SEC14L1: variants seen among roughly 807,000 people sequenced by gnomAD.
SEC14L1 encodes the protein SEC14-like protein 1.
In SEC14L1, 48 loss-of-function variants were observed where a neutral mutation model predicts 85.3. The observed-to-expected ratio is 0.56, with a 90% confidence interval of 0.45 to 0.72. The LOEUF (loss-of-function observed/expected upper bound fraction) is 0.72, where lower values mean the gene tolerates loss of function less well. Among genes scored for constraint, SEC14L1 ranks in the 30% least tolerant of loss-of-function variants. The pLI, the probability that SEC14L1 is intolerant of heterozygous loss-of-function variation, is 0.00. For synonymous variants in SEC14L1, 391 were observed against 355.5 expected (o/e 1.10, Z -1.12); for missense variants, 682 against 921.4 (o/e 0.74, Z 3.36).
At chr17:77,122,325 C>G (rs1273214752) in intron 3 of SEC14L1, among the ~76,000 whole-genome samples, 1 of 147,222 alleles carries the variant, frequency 6.8e-6, no homozygotes, top group Non-Finnish European at 1.5e-5. Context: ...TTTTTTGAGA[C>G]AGCGTCTCAC....
At chr17:77,210,978 G>A (rs1312998566) in intron 14 of SEC14L1, 1 of 152,320 alleles carries the variant, frequency 6.6e-6, no homozygotes, top group African/African-American at 2.4e-5. Context: ...TCAGCACAGG[G>A]GGCCGAGGCC....
At chr17:77,134,506 C>T (rs1972728075) in intron 3 of SEC14L1, among the ~76,000 whole-genome samples, 1 of 152,122 alleles carries the variant, frequency 6.6e-6, no homozygotes, top group South Asian at 2.1e-4. Flanking sequence ...CACTTGAGGT[C>T]AGGAGTTCTA....
At chr17:77,114,152 CTTTG>C (rs148893918) in intron 3 of SEC14L1, among the ~76,000 whole-genome samples, 2,552 of 152,272 alleles carry the variant, frequency 0.017, 74 homozygotes, top group African/African-American at 0.058. Context: ...TTATAAAACC[CTTTG>C]TTTGGCCACC....
chr17:77,171,826 T>G (rs1008645985), intron 3 of SEC14L1, among the ~76,000 whole-genome samples: 11 of 152,234 alleles, frequency 7.2e-5, no homozygotes, highest in African/African-American at 2.7e-4. Context: ...ATGCCTTTTT[T>G]CTTTTATTAC....
intron 3 of SEC14L1, among the ~76,000 whole-genome samples, chr17:77,152,315 C>T (rs922960449): frequency 1.9e-4 from 29 of 152,060 alleles, no homozygotes; most frequent in African/African-American, 6.8e-4. Context: ...GCGGGTGGAT[C>T]ATTTGAGGTC....
At chr17:77,127,454 A>G (rs1218743193) in intron 3 of SEC14L1, among the ~76,000 whole-genome samples, 4 of 152,118 alleles carry the variant, frequency 2.6e-5, no homozygotes, top group Admixed American at 6.5e-5. Flanking sequence ...GGTTCAAGCA[A>G]TTCTCCTGCC....
At chr17:77,169,411 G>C (rs1974433182) in intron 3 of SEC14L1, among the ~76,000 whole-genome samples, 1 of 152,170 alleles carries the variant, frequency 6.6e-6, no homozygotes, top group African/African-American at 2.4e-5. Flanking sequence ...TTTTGAAAGA[G>C]ACTTACCATG....
chr17:77,196,149 G>A, intron 7 of SEC14L1, 53 bp from the exon 8 acceptor site: 2 of 1,407,170 alleles, frequency 1.4e-6, no homozygotes, highest in Non-Finnish European at 1.0e-6. Context: ...AAGACTTTGG[G>A]AGCCTAAAGC....
At chr17:77,187,779 C>G (rs1371684825) in intron 3 of SEC14L1, among the ~76,000 whole-genome samples, 1 of 144,184 alleles carries the variant, frequency 6.9e-6, no homozygotes, top group Admixed American at 7.1e-5. Context: ...TACTCTTACT[C>G]TGTTACCCAG....
Position 77,194,825 on chromosome 17 carries a change from T to C in SEC14L1, c.623T>C (p.Ile208Thr), listed in dbSNP as rs144875330. Reference protein sequence around the residue: ...KKQAASMAVVIPEAALKEGLS... With the variant: ...KKQAASMAVVTPEAALKEGLS... The stretch of plus-strand genomic sequence containing the variant: ...CAAGCAGCGTCCATGGCCGTCGTCA[T>C]CCCAGAAGCTGCCCTCAAGGAGGGG... Residue 208 changes from isoleucine (I) to threonine (T), a missense_variant, in exon 7 of 17, where the codon ATC (isoleucine) becomes ACC (threonine). Coordinates refer to ENST00000436233, the MANE Select transcript of SEC14L1 (RefSeq NM_001143998.2). 8.1e-6 allele frequency: 13 copies of C among 1,614,106 alleles called. No individual in the cohort carries two copies. Among genetic ancestry groups the C allele is most frequent in the Non-Finnish European group, 1.1e-5 (13 of 1,180,044 alleles).
chr17:77,209,521 A>G lies in SEC14L1; in HGVS notation c.1611+45A>G, dbSNP rs769539121. ...GCACCTGGGCCGGCCCTTCCTCCGC[A>G]GAGGGCCTGGCCCTCGCAGGGCTTC... is the stretch of plus-strand genomic sequence containing the variant. On this transcript the variant is annotated intron_variant, in intron 14 of 16. Transcript: ENST00000436233. 1.9e-5 allele frequency: 31 copies of G among 1,602,458 alleles called. No homozygotes were observed. The South Asian group carries it at 3.1e-4, about 16-fold the overall frequency.
chr17:77,095,671 A>G (rs1971624279), intron 3 of SEC14L1, among the ~76,000 whole-genome samples: 1 of 151,820 alleles, frequency 6.6e-6, no homozygotes, highest in Non-Finnish European at 1.5e-5. Context: ...ACAAAATTCA[A>G]CCAGGTGTCG....
At chr17:77,208,063 A>G (rs1337982693) in intron 13 of SEC14L1, among the ~76,000 whole-genome samples, 1 of 152,168 alleles carries the variant, frequency 6.6e-6, no homozygotes, top group African/African-American at 2.4e-5. Context: ...TTCATATGAA[A>G]AGTTACCCGT....
chr17:77,140,367 C>G (rs1479165305), upstream of SEC14L1, among the ~76,000 whole-genome samples: 2 of 152,240 alleles, frequency 1.3e-5, no homozygotes, highest in Non-Finnish European at 2.9e-5. Context: ...CGGGCCCTCC[C>G]GAGCCCTGGG....
rs371187936 is a variant in SEC14L1, at chr17:77,206,936, A to G, written c.1476+74A>G. On this transcript the variant is annotated intron_variant, in intron 13 of 16. Transcript: ENST00000436233. The surrounding 1 kb of genome is among the most constrained non-coding windows in gnomAD (Gnocchi z 4.3). ...GAGAGGTCGGTGTCGATTTGCACAAATGATTTTCAGAACTTCCAGTTGTTT... is the reference window on the plus strand; with the variant it reads ...GAGAGGTCGGTGTCGATTTGCACAAGTGATTTTCAGAACTTCCAGTTGTTT... 14 of 1,374,068 alleles carry G rather than the reference A, an allele frequency of 1.0e-5. No homozygotes were observed. The South Asian group carries it at 2.5e-4, about 24-fold the overall frequency. The allele number at this position is 1,374,068 out of a possible 1,614,324, so 85.1% of individuals were successfully genotyped here.
intron 1 of SEC14L1, 198 bp downstream of exon 1, chr17:77,141,305 C>A (rs1174518141): frequency 7.3e-6 from 1 of 137,332 alleles, no homozygotes; most frequent in Non-Finnish European, 1.6e-5. Flanking sequence ...CCTCCGCCCC[C>A]CTGCTCGCCC....
chr17:77,209,623 T>A, intron 14 of SEC14L1, 147 bp downstream of exon 14: 1 of 801,108 alleles, frequency 1.2e-6, no homozygotes, highest in Non-Finnish European at 1.9e-6. Flanking sequence ...ACTCGATATT[T>A]AGTTTCAGTA....
chr17:77,167,146 CTTTTTTTT>C (rs72037954), intron 3 of SEC14L1, among the ~76,000 whole-genome samples: 1 of 134,578 alleles, frequency 7.4e-6, no homozygotes. Context: ...TTTCTTTTTC[CTTTTTTTT>C]TTTTTTTTTT....
intron 2 of SEC14L1, 79 bp from the exon 3 acceptor site, chr17:77,143,488 G>A: frequency 2.6e-6 from 2 of 763,760 alleles, no homozygotes; most frequent in Non-Finnish European, 4.5e-6. Flanking sequence ...TTAGAGTGTG[G>A]TATGATGTGT....
Sources: allele counts gnomAD v4.1 joint callset (sites outside exome capture counted in the v4.1 genomes callset), GRCh38; gene constraint gnomAD v4.1.1; non-coding constraint Gnocchi (gnomAD v3.1); transcripts MANE v1.5; gene names NCBI Gene and HGNC (gene_info 2026-07-23, HGNC 2026-07-21).